The following CCSER2 variants were observed in gnomAD, a reference collection of about 807,000 sequenced individuals.
CCSER2 encodes the protein serine-rich coiled-coil domain-containing protein 2.
In CCSER2, 46 loss-of-function variants were observed where a neutral mutation model predicts 92.3. The observed-to-expected ratio is 0.50, with a 90% CI of 0.39 to 0.64. The LOEUF is 0.64. CCSER2 is among the 30% of genes least tolerant of loss of function. The probability of loss-of-function intolerance (pLI) is 0.00; values close to 1 mark genes in which losing one functional copy is unlikely to be tolerated. For synonymous variants in CCSER2, 433 were observed against 431.4 expected, an observed-to-expected ratio of 1.00 and a Z score of -0.04; for missense variants, 1,244 against 1,238.9, an observed-to-expected ratio of 1.00 and a Z score of -0.06.
chr10:84,437,591 C>T (rs140994197), intron 5 of CCSER2, among the ~76,000 whole-genome samples: 76 of 151,830 alleles, frequency 5.0e-4, no homozygotes, highest in African/African-American at 1.7e-3. Flanking sequence ...ATAACTATGA[C>T]TTCTGGTTAA....
At chr10:84,442,337 A>G (rs1436157808) in intron 6 of CCSER2, among the ~76,000 whole-genome samples, 2 of 152,216 alleles carry the variant, frequency 1.3e-5, no homozygotes, top group Non-Finnish European at 2.9e-5. Context: ...CAGATCAGCT[A>G]TAAAGGACAT....
intron 6 of CCSER2, among the ~76,000 whole-genome samples, chr10:84,448,552 G>C (rs1845071205): frequency 6.6e-6 from 1 of 152,116 alleles, no homozygotes; most frequent in Non-Finnish European, 1.5e-5. Flanking sequence ...GAATAGGAAG[G>C]TGAAGAGGAG....
intron 1 of CCSER2, among the ~76,000 whole-genome samples, chr10:84,368,183 A>G (rs576353427): frequency 6.6e-6 from 1 of 152,174 alleles, no homozygotes; most frequent in South Asian, 2.1e-4. Context: ...AATTTTTTCT[A>G]TCCAAACTAG....
chr10:84,493,385 C>G (rs956392538), intron 9 of CCSER2, among the ~76,000 whole-genome samples: 4 of 152,088 alleles, frequency 2.6e-5, no homozygotes, highest in African/African-American at 9.7e-5. Context: ...TTTTACAGAT[C>G]TTTTCAAAGA....
At chr10:84,392,477 A>T (rs1841582132) in intron 3 of CCSER2, among the ~76,000 whole-genome samples, 1 of 152,130 alleles carries the variant, frequency 6.6e-6, no homozygotes, top group Non-Finnish European at 1.5e-5. Flanking sequence ...AAACCTAAGA[A>T]TGGGAGTTAC....
intron 6 of CCSER2, among the ~76,000 whole-genome samples, chr10:84,439,245 G>C (rs1335562408): frequency 8.1e-6 from 1 of 123,680 alleles, no homozygotes. Flanking sequence ...GATGTCACTT[G>C]TCCAAAGCCA....
intron 9 of CCSER2, among the ~76,000 whole-genome samples, chr10:84,488,469 G>A (rs1252117053): frequency 2.6e-5 from 4 of 152,156 alleles, no homozygotes; most frequent in African/African-American, 7.2e-5. Context: ...TTAGTCTTGG[G>A]AGGGTATATG....
intron 1 of CCSER2, among the ~76,000 whole-genome samples, chr10:84,354,458 A>G (rs1328604868): frequency 1.3e-5 from 2 of 152,060 alleles, no homozygotes; most frequent in African/African-American, 4.8e-5. Flanking sequence ...ATTTGACACT[A>G]CTGCTTGTTA....
intron 3 of CCSER2, among the ~76,000 whole-genome samples, chr10:84,414,461 T>TTGGCCCCCAACTTCTTCTGGCTTGTAGG (rs1446520907): frequency 2.0e-5 from 3 of 152,190 alleles, no homozygotes; most frequent in Non-Finnish European, 4.4e-5. Context: ...TCTTTAAGAA[T>TTGGCCCCCAACTTCTTCTGGCTTGTAGG]GTTGAATATT....
chr10:84,503,020 C>T (rs1326671857), intron 9 of CCSER2, among the ~76,000 whole-genome samples: 2 of 151,990 alleles, frequency 1.3e-5, no homozygotes, highest in East Asian at 2.0e-4. Context: ...GTCAGGAGAT[C>T]GAGACCATCC....
chr10:84,347,941 C>T (rs1172072622), intron 1 of CCSER2, among the ~76,000 whole-genome samples: 1 of 150,472 alleles, frequency 6.6e-6, no homozygotes, highest in Non-Finnish European at 1.5e-5. Context: ...GGATGGCGGC[C>T]GGGAAGAGGC....
At chr10:84,496,730 A>T (rs539255724) in intron 9 of CCSER2, among the ~76,000 whole-genome samples, 5 of 150,376 alleles carry the variant, frequency 3.3e-5, no homozygotes, top group East Asian at 1.9e-4. Flanking sequence ...GCTTTCTTAA[A>T]TTTTTTTTTT....
At chr10:84,399,129 T>C (rs1450708230) in intron 3 of CCSER2, among the ~76,000 whole-genome samples, 1 of 152,172 alleles carries the variant, frequency 6.6e-6, no homozygotes, top group East Asian at 1.9e-4. Context: ...AGCATACCCA[T>C]CACCTGAATA....
intron 3 of CCSER2, among the ~76,000 whole-genome samples, chr10:84,380,598 T>C (rs913055765): frequency 9.9e-5 from 15 of 152,144 alleles, no homozygotes; most frequent in Non-Finnish European, 1.6e-4. Flanking sequence ...TGTTATTGCA[T>C]AATGATTAAG....
At position 84,457,315 on chromosome 10, in the gene CCSER2, A is replaced by T. The variant is rs866747808; in HGVS notation, c.2065-6618A>T. Among the ~76,000 whole-genome samples, 257 of 59,264 alleles carry T rather than the reference A, an allele frequency of 4.3e-3. 2 individuals carry two copies. Among genetic ancestry groups the T allele is most frequent in the African/African-American group, 0.011 (201 of 18,054 alleles). The allele number at this position is 59,264 out of a possible 152,430, so 38.9% of individuals were successfully genotyped here. On this transcript the variant is annotated intron_variant, in intron 6 of 9. Coordinates refer to ENST00000372088, the MANE Select transcript of CCSER2 (RefSeq NM_001284240.2). ...ATATTATATATAATATGTTATATAT[A>T]ATATATTATATATAATATATTATAT... is the stretch of plus-strand genomic sequence containing the variant.
chr10:84,450,560 T>C (rs781779940), intron 6 of CCSER2, among the ~76,000 whole-genome samples: 1 of 152,178 alleles, frequency 6.6e-6, no homozygotes, highest in Non-Finnish European at 1.5e-5. Context: ...AATACTATGC[T>C]CAAGACTCCA....
Position 84,335,226 on chromosome 10 carries a change from C to CT in CCSER2, c.-40+6419dup, listed in dbSNP as rs879479939. Among the ~76,000 whole-genome samples, 737 of 94,992 alleles carry CT rather than the reference C, an allele frequency of 7.8e-3. 27 individuals are homozygous for CT. Among genetic ancestry groups the CT allele is most frequent in the Middle Eastern group, 0.014 (2 of 138 alleles). The allele number at this position is 94,992 out of a possible 152,430, so 62.3% of individuals were successfully genotyped here. A position where few individuals can be genotyped will look rare whatever the true frequency, so the allele number is the denominator to read the frequency against. On this transcript the variant is annotated intron_variant, in intron 1 of 9. Transcript: ENST00000372088. ...TCCCCAGCATTCTACTTCTCTCTCT[C>CT]TCTTTTTTTTTTTTTTTTTTTTTTT...
intron 9 of CCSER2, among the ~76,000 whole-genome samples, chr10:84,483,286 G>A (rs756289346): frequency 1.3e-5 from 2 of 151,892 alleles, no homozygotes; most frequent in East Asian, 1.9e-4. Context: ...CGAGCTACTC[G>A]GGAGGCTGAG....
At position 84,514,264 on chromosome 10, in the gene CCSER2, T is replaced by C. The variant is rs1275086569; in HGVS notation, c.3141T>C (p.His1047=). The change falls in exon 10 of 10, where the codon CAT becomes CAC. Residue 1047 remains histidine, a synonymous_variant. Transcript: ENST00000372088. ...CTCGTCTTCCTAAACCAAAGATACA[T>C]TAAGTACATAGCCATCACCTGCCAA... ...RYSRLPKPKI[H] 2 of 1,532,094 alleles carry C rather than the reference T, an allele frequency of 1.3e-6. No homozygotes were observed. The highest frequency in any genetic ancestry group is 3.9e-5 in the Admixed American group (2 of 50,860). The allele number at this position is 1,532,094 out of a possible 1,614,324, so 94.9% of individuals were successfully genotyped here.
Sources: gnomAD v4.1 joint callset for allele counts (sites outside exome capture counted in the v4.1 genomes callset) on GRCh38, gnomAD v4.1.1 for gene constraint, MANE v1.5 for transcripts, NCBI Gene and HGNC (gene_info 2026-07-23, HGNC 2026-07-21) for gene names.